Variants in ALS2 observed in about 807,000 individuals in gnomAD.
The protein encoded by ALS2 is alsin.
ALS2 carries 117 observed loss-of-function variants against 203.4 expected under a neutral mutation model. That is an observed-to-expected ratio of 0.58 (90% confidence interval 0.50 to 0.67). The LOEUF is 0.67. ALS2 is among the 30% of genes least tolerant of loss of function. ALS2 has a pLI of 0.00. For synonymous variants in ALS2, 718 were observed against 725.9 expected (o/e 0.99, Z 0.17); for missense variants, 1,715 against 1,989.4 (o/e 0.86, Z 2.62).
intron 21 of ALS2, 32 bp from the exon 22 acceptor site, chr2:201,723,473 C>T: frequency 6.4e-7 from 1 of 1,553,118 alleles, no homozygotes; most frequent in Non-Finnish European, 8.9e-7. Flanking sequence ...AGAAAAAGCA[C>T]TGAAGATAAG....
intron 12 of ALS2, 83 bp from the exon 13 acceptor site, chr2:201,733,521 T>G (rs1023805705): frequency 4.0e-6 from 5 of 1,251,370 alleles, no homozygotes; most frequent in Non-Finnish European, 5.7e-6. Flanking sequence ...CACTAGAAAG[T>G]ACCTCTTTCA....
chr2:201,704,320 G>T, intron 32 of ALS2, 102 bp from the exon 33 acceptor site: 1 of 1,461,892 alleles, frequency 6.8e-7, no homozygotes, highest in Non-Finnish European at 9.5e-7. Flanking sequence ...CAATAAAAGG[G>T]TAATGTCACA....
intron 9 of ALS2, among the ~76,000 whole-genome samples, chr2:201,746,000 G>C (rs1216306427): frequency 6.6e-6 from 1 of 152,076 alleles, no homozygotes; most frequent in Non-Finnish European, 1.5e-5. Flanking sequence ...AAGTGAAGCA[G>C]GGAAAAACAG....
At chr2:201,707,436 T>C (rs1243747604) in intron 28 of ALS2, among the ~76,000 whole-genome samples, 2 of 151,656 alleles carry the variant, frequency 1.3e-5, no homozygotes, top group Non-Finnish European at 2.9e-5. Context: ...CAGCTACATT[T>C]TTTTTTTTTT....
rs752002691 is a variant in ALS2 at position 201,723,099 on chromosome 2, C to T, written c.3646G>A (p.Glu1216Lys). 37 of 1,613,308 alleles carry T rather than the reference C, an allele frequency of 2.3e-5. No individual in the cohort carries two copies. The highest frequency in any genetic ancestry group is 4.0e-5 in the African/African-American group (3 of 74,864). ...KMMGNGVLLS[E>K]DDTIYEGEFS... ...TCTCCTTCATAGATAGTATCATCTT[C>T]GGAAAGCAAAACCCCATTTCCCTAC... is the stretch of plus-strand genomic sequence containing the variant. Residue 1216 changes from glutamate to lysine, a missense_variant, in exon 23 of 34, where the codon GAA (glutamate) becomes AAA (lysine). Around this residue, in one of 3 missense-constraint regions of ALS2, gnomAD observed 1,227 missense variants for 1,413.5 expected, o/e 0.87. Coordinates refer to ENST00000264276, the MANE Select transcript of ALS2 (RefSeq NM_020919.4).
chr2:201,780,096 GA>G (rs1352950138), intron 1 of ALS2: 4 of 152,222 alleles, frequency 2.6e-5, no homozygotes, highest in Non-Finnish European at 4.4e-5. Flanking sequence ...AAACCAGAAA[GA>G]AAGCACTGTT....
chr2:201,725,259 CAAAACTT>C (rs978417171), intron 20 of ALS2, 90 bp downstream of exon 20: 158 of 977,114 alleles, frequency 1.6e-4, no homozygotes, highest in Non-Finnish European at 2.4e-4. Flanking sequence ...TAAGACTAAA[CAAAACTT>C]AAAACTTGGA....
chr2:201,722,845 A>T (rs1574696479), intron 23 of ALS2, 198 bp downstream of exon 23: 1 of 582,104 alleles, frequency 1.7e-6, no homozygotes, highest in Non-Finnish European at 3.0e-6. Context: ...AATGAGCAGA[A>T]GGGATTTTCT....
At chr2:201,768,595 C>T (rs1694222166) in intron 2 of ALS2, among the ~76,000 whole-genome samples, 1 of 152,146 alleles carries the variant, frequency 6.6e-6, no homozygotes, top group Admixed American at 6.5e-5. Flanking sequence ...ATTAGCAAGG[C>T]TACTTCTGAA....
At chr2:201,742,728 T>A (rs968130187) in intron 10 of ALS2, among the ~76,000 whole-genome samples, 1 of 152,210 alleles carries the variant, frequency 6.6e-6, no homozygotes, top group African/African-American at 2.4e-5. Context: ...AAAGGGATTA[T>A]ATTCACAAAG....
rs572418585 is a variant in ALS2, at chr2:201,724,422, C to T, written c.3385G>A (p.Asp1129Asn). ...SGEVFEGCFQ[D>N]NMRHGHGLLR... The stretch of plus-strand genomic sequence containing the variant: ...AGACCATGACCATGACGCATATTAT[C>T]TTGAAAACAGCCCTCAAATACTTCA... Residue 1129 changes from aspartate to asparagine, a missense_variant, in exon 21 of 34, where the codon GAT (aspartate) becomes AAT (asparagine). Physicochemically the swap from Asp to Asn is conservative, Grantham distance 23. Coordinates refer to ENST00000264276, the MANE Select transcript of ALS2 (RefSeq NM_020919.4). The T allele has an allele frequency of 1.2e-6, 2 of 1,614,114 alleles. No homozygotes were observed. Among genetic ancestry groups the T allele is most frequent in the South Asian group, 2.2e-5 (2 of 91,084 alleles).
chr2:201,731,256 G>GTA (rs1489264604), intron 13 of ALS2, among the ~76,000 whole-genome samples: 1 of 152,060 alleles, frequency 6.6e-6, no homozygotes, highest in African/African-American at 2.4e-5. Flanking sequence ...AAAAAATAAG[G>GTA]TATGATCTTT....
At position 201,724,384 on chromosome 2, in the gene ALS2, C is replaced by G. The variant is rs1044298999; in HGVS notation, c.3423G>C (p.Gly1141=). Residue 1141 remains glycine, a synonymous_variant, in exon 21 of 34, where the codon GGG becomes GGC. Transcript: ENST00000264276. ...TACTAGGAGAAGAGGACGTCAATTT[C>G]CCACTTCGTAGAAGACCATGACCAT... ...MRHGHGLLRS[G]KLTSSSPSMF... 6.2e-7 allele frequency: 1 copy of G among 1,613,622 alleles called. No individual in the cohort carries two copies. Among genetic ancestry groups the G allele is most frequent in the African/African-American group, 1.3e-5 (1 of 74,892 alleles).
chr2:201,780,706 C>T (rs1445510141), intron 1 of ALS2, among the ~76,000 whole-genome samples, 171 bp downstream of exon 1: 2 of 152,222 alleles, frequency 1.3e-5, no homozygotes, highest in Non-Finnish European at 2.9e-5. Flanking sequence ...GTCGATCGCA[C>T]CCAGAGCTGG....
intron 2 of ALS2, among the ~76,000 whole-genome samples, chr2:201,768,095 T>C (rs1378469353): frequency 6.6e-6 from 1 of 152,166 alleles, no homozygotes; most frequent in African/African-American, 2.4e-5. Context: ...TAAAAAGTAC[T>C]TGATGAGAAC....
At chr2:201,716,650 G>C (rs1274754594) in intron 24 of ALS2, 1 of 150,392 alleles carries the variant, frequency 6.6e-6, no homozygotes, top group African/African-American at 2.5e-5. Context: ...GGGAGGTGCA[G>C]GTTGCAGTGA....
At position 201,715,792 on chromosome 2, in the gene ALS2, G is replaced by A. The variant is rs757260883; in HGVS notation, c.3884C>T (p.Ala1295Val). ...TTGGCGCCAACATTCGTCAAACACC[G>A]CTTTCCACTTCTCATCAGCTGGCAC... ...LAVPADEKWK[A>V]VFDECWRQLG... The change falls in exon 25 of 34, where the codon GCG becomes GTG. Residue 1295 changes from alanine to valine, a missense_variant. Transcript: ENST00000264276. 19 of 1,614,030 alleles carry A rather than the reference G, an allele frequency of 1.2e-5. No individual in the cohort carries two copies. Among genetic ancestry groups the A allele is most frequent in the Admixed American group, 8.3e-5 (5 of 60,000 alleles).
At chr2:201,749,883 A>G (rs950415099) in intron 7 of ALS2, 94 bp from the exon 8 acceptor site, 3 of 912,460 alleles carry the variant, frequency 3.3e-6, no homozygotes, top group African/African-American at 3.3e-5. Flanking sequence ...ATATACACAA[A>G]TACCAACAAT....
In ALS2 at chr2:201,718,133, A is replaced by C; in HGVS notation, c.3780T>G (p.Thr1260=). 6.2e-7 allele frequency: 1 copy of C among 1,613,808 alleles called. No homozygotes were observed. The highest frequency in any genetic ancestry group is 2.2e-5 in the East Asian group (1 of 44,840). The stretch of plus-strand genomic sequence containing the variant: ...ATAGACTAGGTTTGAAGTAGGTTCC[A>C]GTGATTTTTATCCCAGATCCCCATT... ...SGEWGSGIKI[T]GTYFKPSLYE... is the part of the protein sequence containing the mutation. Residue 1260 remains threonine (T), a synonymous_variant, in exon 24 of 34, where the codon ACT becomes ACG. Coordinates refer to ENST00000264276, the MANE Select transcript of ALS2 (RefSeq NM_020919.4).
Sources: allele counts gnomAD v4.1 joint callset (sites outside exome capture counted in the v4.1 genomes callset), GRCh38; gene constraint gnomAD v4.1.1; regional missense constraint gnomAD v4.1.1; transcripts MANE v1.5; gene names NCBI Gene and HGNC (gene_info 2026-07-23, HGNC 2026-07-21).